CILP: variants seen among roughly 807,000 people sequenced by gnomAD.
The protein encoded by CILP is cartilage intermediate layer protein 1.
Under a neutral mutation model 82.5 loss-of-function variants are expected in CILP, and 75 were observed. The observed-to-expected ratio is 0.91, with a 90% CI of 0.75 to 1.10. The LOEUF is 1.10. Ranked by LOEUF, CILP falls within the 50% of genes least tolerant of loss-of-function variation. The pLI is 0.00. For synonymous variants in CILP, 530 were observed against 580.3 expected (o/e 0.91, Z 1.25); for missense variants, 1,479 against 1,530.8 (o/e 0.97, Z 0.56).
chr15:65,208,756 G>A (rs1024931485), intron 2 of CILP, among the ~76,000 whole-genome samples: 19 of 152,198 alleles, frequency 1.2e-4, no homozygotes, highest in Non-Finnish European at 2.5e-4. Context: ...GGCAATTAAC[G>A]CTTACTCCAG....
chr15:65,199,363 G>T (rs946864393), intron 8 of CILP, among the ~76,000 whole-genome samples: 1 of 152,156 alleles, frequency 6.6e-6, no homozygotes, highest in Non-Finnish European at 1.5e-5. Flanking sequence ...AGGTGTTTTG[G>T]GTTATCTCCA....
chr15:65,204,375 C>G lies in CILP; in HGVS notation c.812G>C (p.Gly271Ala). ...RFRIPGLCPD[G>A]KSILKITKVK... The stretch of plus-strand genomic sequence containing the variant: ...CTTTGTGATCTTCAGGATGCTTTTG[C>G]CATCAGGGCACAAGCCAGGGATTCG... Residue 271 changes from glycine (G) to alanine (A), a missense_variant, in exon 6 of 9, where the codon GGC (glycine) becomes GCC (alanine). Physicochemically the swap from Gly to Ala is moderately conservative, Grantham distance 60 (BLOSUM62 0). Transcript: ENST00000261883. The G allele has an allele frequency of 6.2e-7, 1 of 1,614,172 alleles. No homozygotes were observed. Among genetic ancestry groups the G allele is most frequent in the Non-Finnish European group, 8.5e-7 (1 of 1,180,028 alleles).
chr15:65,207,060 CAT>C lies in CILP; in HGVS notation c.155-11_155-10del. On this transcript the variant is annotated splice_polypyrimidine_tract_variant and intron_variant, in intron 3 of 8. Transcript: ENST00000261883. The stretch of plus-strand genomic sequence containing the variant: ...TGTCCACTCACCAGGGCCTGAGAGA[CAT>C]AGCCAAATTGCGGAGGAGCCGTGAT... The C allele has an allele frequency of 6.2e-7, 1 of 1,605,656 alleles. No homozygotes were observed. The highest frequency in any genetic ancestry group is 1.1e-5 in the South Asian group (1 of 90,934).
chr15:65,202,480 T>G (rs2088469398), intron 7 of CILP, among the ~76,000 whole-genome samples: 1 of 151,574 alleles, frequency 6.6e-6, no homozygotes, highest in Non-Finnish European at 1.5e-5. Context: ...TAGGCTAGAG[T>G]ACAGTGGCAT....
At chr15:65,200,710 C>G (rs1227749713) in intron 8 of CILP, among the ~76,000 whole-genome samples, 1 of 152,210 alleles carries the variant, frequency 6.6e-6, no homozygotes, top group Non-Finnish European at 1.5e-5. Flanking sequence ...GGGGTTCTAA[C>G]CTTGGTTGCA....
chr15:65,204,928 A>C (rs1046562745), intron 5 of CILP, among the ~76,000 whole-genome samples: 1 of 152,198 alleles, frequency 6.6e-6, no homozygotes, highest in Admixed American at 6.5e-5. Flanking sequence ...CTGAGATAGT[A>C]GAATCCCTTA....
rs150296423 is a variant in CILP at position 65,196,012 on chromosome 15, T to G, written c.*719A>C. The G allele has an allele frequency of 1.3e-5, 2 of 152,300 alleles. No individual in the cohort carries two copies. The highest frequency in any genetic ancestry group is 2.9e-5 in the Non-Finnish European group (2 of 68,048). 9.4% of individuals were successfully genotyped at this position (152,300 alleles called of 1,614,324 possible). A position where few individuals can be genotyped will look rare whatever the true frequency, so the allele number is the denominator to read the frequency against. On this transcript the variant is annotated 3_prime_UTR_variant, in exon 9 of 9. Coordinates refer to ENST00000261883, the MANE Select transcript of CILP (RefSeq NM_003613.4). The stretch of plus-strand genomic sequence containing the variant: ...CAGGACAGTGGCCTCAGAATCGAAA[T>G]ACAGAGTATGCATTTATTGACATCT...
chr15:65,208,327 G>A (rs1201822023), intron 2 of CILP, among the ~76,000 whole-genome samples: 2 of 152,176 alleles, frequency 1.3e-5, no homozygotes, highest in Non-Finnish European at 2.9e-5. Context: ...CTAACTGTGT[G>A]ACTTTGGGCA....
Position 65,198,542 on chromosome 15 carries a change from T to C in CILP, c.1744A>G (p.Met582Val), listed in dbSNP as rs1309699019. Reference sequence around the variant, plus strand: ...CCCAGGGGGATGATGTTGGTCTCCATGGCTTCCAAAGTGATGGGCTTTTTC... The same window carrying C: ...CCCAGGGGGATGATGTTGGTCTCCACGGCTTCCAAAGTGATGGGCTTTTTC... Reference protein sequence around the residue: ...RRKKPITLEAMETNIIPLGEV... With the variant: ...RRKKPITLEAVETNIIPLGEV... Residue 582 changes from methionine to valine, a missense_variant, in exon 9 of 9, where the codon ATG becomes GTG. Transcript: ENST00000261883. 1.2e-6 allele frequency: 2 copies of C among 1,614,230 alleles called. No homozygotes were observed. The highest frequency in any genetic ancestry group is 1.7e-6 in the Non-Finnish European group (2 of 1,180,026).
intron 6 of CILP, among the ~76,000 whole-genome samples, chr15:65,203,782 T>G (rs942861996): frequency 6.6e-6 from 1 of 152,202 alleles, no homozygotes; most frequent in East Asian, 1.9e-4. Flanking sequence ...TTTTAAATAG[T>G]GCAATATTCA....
rs556855357 is a variant in CILP at position 65,206,334 on chromosome 15, T to C, written c.424+448A>G. The stretch of plus-strand genomic sequence containing the variant: ...CATTTACCTGGGTTAAGCCTCTGCA[T>C]TCATATCATTTAATCCTCATTAAAA... On this transcript the variant is annotated intron_variant, in intron 4 of 8. Coordinates refer to ENST00000261883, the MANE Select transcript of CILP (RefSeq NM_003613.4). 2.0e-5 allele frequency among the ~76,000 whole-genome samples: 3 copies of C among 152,282 alleles called. No individual in the cohort carries two copies. In the East Asian group the frequency reaches 5.8e-4, roughly 29 times the overall value.
At chr15:65,199,901 C>T (rs1303874957) in intron 8 of CILP, among the ~76,000 whole-genome samples, 1 of 152,180 alleles carries the variant, frequency 6.6e-6, no homozygotes, top group African/African-American at 2.4e-5. Flanking sequence ...ATGCAACTAC[C>T]ATATAAATTG....
In CILP at chr15:65,209,736, C is replaced by T; in HGVS notation, c.20G>A (p.Trp7Ter). The T allele has an allele frequency of 1.9e-6, 3 of 1,614,086 alleles. No individual in the cohort carries two copies. Among genetic ancestry groups the T allele is most frequent in the South Asian group, 2.2e-5 (2 of 91,078 alleles). Residue 7 changes from tryptophan to a stop codon, truncating the protein, a stop_gained, in exon 2 of 9, where the codon TGG becomes TAG. Transcript: ENST00000261883. LOFTEE classifies it high-confidence loss of function. MVGTKA[W>*]VFSFLVLEVT... is the part of the protein sequence containing the mutation. ...TTCCAGGACCAGGAAGGAGAACACC[C>T]AGGCCTTGGTCCCCACCATCTTTCC... is the stretch of plus-strand genomic sequence containing the variant.
In CILP at chr15:65,205,338, A is replaced by G; in HGVS notation, c.553T>C (p.Cys185Arg). ...RICLAEMVSL[C>R]SEASEEGQHC... Reference sequence around the variant, plus strand: ...TGACCCTCTTCGCTGGCCTCACTGCACAGCGACACCATCTCTGCCAAGCAA... The same window carrying G: ...TGACCCTCTTCGCTGGCCTCACTGCGCAGCGACACCATCTCTGCCAAGCAA... Residue 185 changes from cysteine (C) to arginine (R), a missense_variant, in exon 5 of 9, where the codon TGC (cysteine) becomes CGC (arginine). Transcript: ENST00000261883. 6.2e-7 allele frequency: 1 copy of G among 1,614,106 alleles called. No homozygotes were observed. The highest frequency in any genetic ancestry group is 8.5e-7 in the Non-Finnish European group (1 of 1,180,022).
rs571248185 is a variant in CILP at position 65,206,865 on chromosome 15, C to A, written c.341G>T (p.Arg114Leu). ...CCTGTTGAGGCACCAGAAACCCTCA[C>A]GGGGACTACCATGGACCACCTGGCC... ...STGQVVHGSP[R>L]EGFWCLNREQ... is the part of the protein sequence containing the mutation. Residue 114 changes from arginine (R) to leucine (L), a missense_variant, in exon 4 of 9, where the codon CGT (arginine) becomes CTT (leucine). By Grantham distance (102) the Arg-to-Leu change is moderately radical (BLOSUM62 -2). Coordinates refer to ENST00000261883, the MANE Select transcript of CILP (RefSeq NM_003613.4). 2 of 1,614,028 alleles carry A rather than the reference C, an allele frequency of 1.2e-6. No homozygotes were observed. Among genetic ancestry groups the A allele is most frequent in the South Asian group, 2.2e-5 (2 of 91,086 alleles).
Position 65,206,789 on chromosome 15 carries a change from G to A in CILP, c.417C>T (p.Cys139=), listed in dbSNP as rs746341372. Residue 139 remains cysteine, a synonymous_variant, in exon 4 of 9, where the codon TGC becomes TGT. Transcript: ENST00000261883. ...GGGGGCGTTCTGGCTTACCTGGTGGGCAGAGGAAGCGTACGGTGTAATTAG... is the reference window on the plus strand; with the variant it reads ...GGGGGCGTTCTGGCTTACCTGGTGGACAGAGGAAGCGTACGGTGTAATTAG... The part of the protein sequence containing the change: ...NCSNYTVRFL[C]PPGSLRRDTE... 1 of 1,606,724 alleles carries A rather than the reference G, an allele frequency of 6.2e-7. No homozygotes were observed. Among genetic ancestry groups the A allele is most frequent in the South Asian group, 1.1e-5 (1 of 91,014 alleles).
chr15:65,197,837 G>A lies in CILP; in HGVS notation c.2449C>T (p.Pro817Ser). 2.5e-6 allele frequency: 4 copies of A among 1,614,094 alleles called. No individual in the cohort carries two copies. Among genetic ancestry groups the A allele is most frequent in the African/African-American group, 1.3e-5 (1 of 75,038 alleles). Residue 817 changes from proline to serine, a missense_variant, in exon 9 of 9, where the codon CCT becomes TCT. Coordinates refer to ENST00000261883, the MANE Select transcript of CILP (RefSeq NM_003613.4). ...CVPAFCDDQS[P>S]DAYSAYVLAS... Reference sequence around the variant, plus strand: ...AAGACATAGGCAGAGTAGGCATCAGGGGACTGGTCATCACAGAAGGCAGGC... The same window carrying A: ...AAGACATAGGCAGAGTAGGCATCAGAGGACTGGTCATCACAGAAGGCAGGC...
intron 5 of CILP, 116 bp downstream of exon 5, chr15:65,205,171 C>T (rs78538595): frequency 0.017 from 16,155 of 955,110 alleles, 184 homozygotes; most frequent in Non-Finnish European, 0.022. Context: ...TCAGTTAATA[C>T]GTGGTGAGTA....
At chr15:65,199,413 T>C (rs919024781) in intron 8 of CILP, among the ~76,000 whole-genome samples, 2 of 152,222 alleles carry the variant, frequency 1.3e-5, no homozygotes, top group Non-Finnish European at 2.9e-5. Flanking sequence ...GTAGGGGCCA[T>C]TGATGTTCTA....
Sources: allele counts gnomAD v4.1 joint callset (sites outside exome capture counted in the v4.1 genomes callset), GRCh38; gene constraint gnomAD v4.1.1; transcripts MANE v1.5; gene names NCBI Gene and HGNC (gene_info 2026-07-23, HGNC 2026-07-21).